WNK1: variants seen among roughly 807,000 people sequenced by gnomAD.
The protein encoded by WNK1 is WNK lysine deficient protein kinase 1, also known as serine/threonine-protein kinase WNK1.
Under a neutral mutation model 222.8 loss-of-function variants are expected in WNK1, and 38 were observed. That is an observed-to-expected ratio of 0.17 (90% CI 0.13 to 0.22). The LOEUF (loss-of-function observed/expected upper bound fraction) is 0.22, where lower values mean the gene tolerates loss of function less well. WNK1 is among the 10% of genes least tolerant of loss of function. WNK1 has a pLI of 1.00. For missense variants in WNK1, 2,348 were observed against 2,918.4 expected, an observed-to-expected ratio of 0.80 and a Z score of 4.50; for synonymous variants, 1,090 against 1,092.9, an observed-to-expected ratio of 1.00 and a Z score of 0.05.
Position 889,172 on chromosome 12 carries a change from A to G in WNK1, c.5397A>G (p.Gln1799=), listed in dbSNP as rs148639270. The change falls in exon 21 of 28, where the codon CAA becomes CAG. Residue 1799 remains glutamine, a synonymous_variant. Transcript: ENST00000315939. ...AACCTCTAGAGGATCTTGATGCTCA[A>G]TTGAGAAGAACACTTAGTCCAGAGA... ...SQQPLEDLDA[Q]LRRTLSPEMI... The G allele has an allele frequency of 5.1e-3, 8,237 of 1,614,150 alleles. 564 individuals carry two copies. The Admixed American group carries it at 0.13, about 25-fold the overall frequency.
chr12:788,145 A>T (rs7298426), intron 1 of WNK1, among the ~76,000 whole-genome samples: 75,071 of 151,788 alleles, frequency 0.49, 19,205 homozygotes, highest in East Asian at 0.8. Context: ...TCTCCTTTAC[A>T]TAAAGTCAGC....
chr12:858,037 T>TCTTTTTATA (rs1346057175), intron 5 of WNK1, among the ~76,000 whole-genome samples: 2 of 152,206 alleles, frequency 1.3e-5, no homozygotes, highest in Admixed American at 1.3e-4. Context: ...CCAGTCTCGT[T>TCTTTTTATA]CTTTTTATAA....
At position 754,043 on chromosome 12, in the gene WNK1, A is replaced by G. The variant is rs1198818336; in HGVS notation, c.478A>G (p.Thr160Ala). The G allele has an allele frequency of 1.9e-6, 3 of 1,595,444 alleles. No homozygotes were observed. The African/African-American group carries it at 4.0e-5, about 21-fold the overall frequency. ...TGCCCCCTCGACTGTCCCCAGCAGT[A>G]CCAGCAAAGACCGCCCAGTGTCCCA... ...GPAPSTVPSS[T>A]SKDRPVSQPS... is the part of the protein sequence containing the mutation. Residue 160 changes from threonine (T) to alanine (A), a missense_variant, in exon 1 of 28, where the codon ACC becomes GCC. Coordinates refer to ENST00000315939, the MANE Select transcript of WNK1 (RefSeq NM_018979.4).
Position 884,115 on chromosome 12 carries a change from G to T in WNK1, c.3722-6G>T. The T allele has an allele frequency of 6.2e-7, 1 of 1,613,966 alleles. No individual in the cohort carries two copies. The highest frequency in any genetic ancestry group is 1.1e-5 in the South Asian group (1 of 91,000). Reference sequence around the variant, plus strand: ...AAGTTACGTTTGTTTGTTTGTTTTTGACCAGGCATTCCTACCAGTTCTTTA... The same window carrying T: ...AAGTTACGTTTGTTTGTTTGTTTTTTACCAGGCATTCCTACCAGTTCTTTA... On this transcript the variant is annotated splice_polypyrimidine_tract_variant and splice_region_variant and intron_variant, in intron 17 of 27. Transcript: ENST00000315939. The surrounding 1 kb of genome is among the most constrained non-coding windows in gnomAD (Gnocchi z 5.6).
At chr12:907,727 T>G in intron 26 of WNK1, 120 bp from the exon 27 acceptor site, 1 of 1,224,716 alleles carries the variant, frequency 8.2e-7, no homozygotes, top group Non-Finnish European at 1.2e-6. Context: ...CTTGCATGGC[T>G]TCCCAGTTCA....
rs1443695839 is a variant in WNK1, at chr12:884,123, A to T, written c.3724A>T (p.Ile1242Phe). The change falls in exon 18 of 28, where the codon ATT (isoleucine) becomes TTT (phenylalanine). Residue 1242 changes from isoleucine to phenylalanine, a missense_variant and splice_region_variant. This residue lies in a region of WNK1 where 1,144 missense variants were observed against 1,273.6 expected (regional missense o/e 0.90). Coordinates refer to ENST00000315939, the MANE Select transcript of WNK1 (RefSeq NM_018979.4). The surrounding 1 kb of genome is among the most constrained non-coding windows in gnomAD (Gnocchi z 5.6). The part of the protein sequence containing the change: ...PASSMPQQIG[I>F]PTSSLTQVVH... ...TTTGTTTGTTTGTTTTTGACCAGGC[A>T]TTCCTACCAGTTCTTTAACTCAAGT... 1.9e-6 allele frequency: 3 copies of T among 1,614,060 alleles called. No individual in the cohort carries two copies. The highest frequency in any genetic ancestry group is 2.5e-6 in the Non-Finnish European group (3 of 1,180,026).
At position 890,465 on chromosome 12, in the gene WNK1, G is replaced by A. The variant is rs1393896346; in HGVS notation, c.5461G>A (p.Ala1821Thr). 3 of 1,614,100 alleles carry A rather than the reference G, an allele frequency of 1.9e-6. No homozygotes were observed. The South Asian group carries it at 3.3e-5, about 18-fold the overall frequency. The change falls in exon 22 of 28, where the codon GCG (alanine) becomes ACG (threonine). Residue 1821 changes from alanine (A) to threonine (T), a missense_variant. Ala to Thr is a moderately conservative substitution (Grantham distance 58, BLOSUM62 0). Coordinates refer to ENST00000315939, the MANE Select transcript of WNK1 (RefSeq NM_018979.4). The part of the protein sequence containing the change: ...VTSAVGPVSM[A>T]APTAITEAGT... ...GTGTGTTTTACAGCCTGTGTCCATGGCGGCTCCAACAGCAATCACAGAAGC... is the reference window on the plus strand; with the variant it reads ...GTGTGTTTTACAGCCTGTGTCCATGACGGCTCCAACAGCAATCACAGAAGC...
At chr12:781,386 T>G (rs1943691187) in intron 1 of WNK1, 2 of 152,274 alleles carry the variant, frequency 1.3e-5, no homozygotes, top group South Asian at 4.1e-4. Context: ...AGTAAGTTGT[T>G]GATAGCTATT....
intron 3 of WNK1, among the ~76,000 whole-genome samples, chr12:829,743 A>G (rs571568024): frequency 6.6e-6 from 1 of 152,360 alleles, no homozygotes; most frequent in Non-Finnish European, 1.5e-5. Context: ...AAAGAAATTC[A>G]TTTTACACAG....
At chr12:903,735 A>G (rs887058900) in intron 26 of WNK1, among the ~76,000 whole-genome samples, 3 of 152,196 alleles carry the variant, frequency 2.0e-5, no homozygotes, top group Non-Finnish European at 4.4e-5. Flanking sequence ...AGCCTGGTAA[A>G]CAAATCCCAA....
chr12:845,680 A>G (rs576848206), intron 4 of WNK1, among the ~76,000 whole-genome samples: 2 of 152,360 alleles, frequency 1.3e-5, no homozygotes, highest in East Asian at 1.9e-4. Context: ...AGTGCCTGGC[A>G]TACAGTTATC....
intron 25 of WNK1, 75 bp from the exon 26 acceptor site, chr12:900,401 T>C (rs1955156797): frequency 6.5e-7 from 1 of 1,539,068 alleles, no homozygotes; most frequent in Non-Finnish European, 9.0e-7. Context: ...ACAAACCAAA[T>C]GTATAAGAAC....
chr12:765,035 A>G (rs1435682105), intron 1 of WNK1, among the ~76,000 whole-genome samples: 1 of 147,904 alleles, frequency 6.8e-6, no homozygotes, highest in Non-Finnish European at 1.5e-5. Flanking sequence ...GGGTTTTGCC[A>G]TGTTGGCCAG....
chr12:758,189 A>T (rs1180571712), intron 1 of WNK1, among the ~76,000 whole-genome samples: 1 of 146,482 alleles, frequency 6.8e-6, no homozygotes, highest in Non-Finnish European at 1.5e-5. Context: ...ACCTGAAAAG[A>T]GAGGTTAAAT....
chr12:862,382 A>G, intron 8 of WNK1, 112 bp downstream of exon 8: 9 of 1,192,766 alleles, frequency 7.5e-6, no homozygotes, highest in Non-Finnish European at 9.6e-6. Flanking sequence ...AGTAGAAAAT[A>G]TAAAATGCTG....
At chr12:834,243 C>G (rs527326740) in intron 4 of WNK1, among the ~76,000 whole-genome samples, 2 of 152,292 alleles carry the variant, frequency 1.3e-5, no homozygotes, top group African/African-American at 4.8e-5. Context: ...GATCCAAGGA[C>G]AAATCAATTG....
chr12:879,513 C>CTTTTTTTTTTTTTTTTTTTTTTTTTTCT, intron 10 of WNK1, 60 bp from the exon 11 acceptor site: 3 of 403,028 alleles, frequency 7.4e-6, no homozygotes, highest in Non-Finnish European at 1.1e-5. Context: ...GGCAGCCTTG[C>CTTTTTTTTTTTTTTTTTTTTTTTTTTCT]TTTTTTTTTT....
rs886049859 is a variant in WNK1, at chr12:753,198, G to T, written c.-368G>T. Reference sequence around the variant, plus strand: ...GCGTCCGCCGCATCCGCCTCGACTCGGTGCCGGCCCCTGGCCCTCCCCTCA... The same window carrying T: ...GCGTCCGCCGCATCCGCCTCGACTCTGTGCCGGCCCCTGGCCCTCCCCTCA... On this transcript the variant is annotated 5_prime_UTR_variant, in exon 1 of 28. Coordinates refer to ENST00000315939, the MANE Select transcript of WNK1 (RefSeq NM_018979.4). This position sits in a 1 kb window ranked among gnomAD's most constrained non-coding sequence, Gnocchi z 5.2. 141 of 188,206 alleles carry T rather than the reference G, an allele frequency of 7.5e-4. No individual in the cohort carries two copies. The Middle Eastern group carries it at 8.0e-3, about 11-fold the overall frequency. 11.7% of individuals were successfully genotyped at this position (188,206 alleles called of 1,614,324 possible).
chr12:878,075 A>G lies in WNK1; in HGVS notation c.2224-137A>G, dbSNP rs1243964106. ...AACAAATATATAATGGAAATTGATGAATTTGGGTTTGTGCATGTCTTGATT... is the reference window on the plus strand; with the variant it reads ...AACAAATATATAATGGAAATTGATGGATTTGGGTTTGTGCATGTCTTGATT... On this transcript the variant is annotated intron_variant, in intron 9 of 27. Coordinates refer to ENST00000315939, the MANE Select transcript of WNK1 (RefSeq NM_018979.4). 3 of 1,056,380 alleles carry G rather than the reference A, an allele frequency of 2.8e-6. No individual in the cohort carries two copies. The East Asian group carries it at 7.7e-5, about 27-fold the overall frequency. 65.4% of individuals were successfully genotyped at this position (1,056,380 alleles called of 1,614,324 possible). A position where few individuals can be genotyped will look rare whatever the true frequency, so the allele number is the denominator to read the frequency against.
Sources: allele counts gnomAD v4.1 joint callset (sites outside exome capture counted in the v4.1 genomes callset), GRCh38; gene constraint gnomAD v4.1.1; regional missense constraint gnomAD v4.1.1; non-coding constraint Gnocchi (gnomAD v3.1); transcripts MANE v1.5; gene names NCBI Gene and HGNC (gene_info 2026-07-23, HGNC 2026-07-21).